The following AP3M1 variants were observed in gnomAD, a reference collection of about 807,000 sequenced individuals.
The protein encoded by AP3M1 is AP-3 complex subunit mu-1.
Under a neutral mutation model 42.6 loss-of-function variants are expected in AP3M1, and 29 were observed. The observed-to-expected ratio is 0.68, with a 90% CI of 0.51 to 0.93. AP3M1 has a LOEUF of 0.93. Ranked by LOEUF, AP3M1 falls within the 40% of genes least tolerant of loss-of-function variation. AP3M1 has a pLI of 0.00. For synonymous variants in AP3M1, 178 were observed against 175.3 expected (o/e 1.02, Z -0.12); for missense variants, 416 against 510.2 (o/e 0.82, Z 1.78).
At position 74,134,064 on chromosome 10, in the gene AP3M1, A is replaced by T. The variant is rs1217303026; in HGVS notation, c.546T>A (p.Asp182Glu). Residue 182 changes from aspartate to glutamate, a missense_variant, in exon 4 of 9, where the codon GAT (aspartate) becomes GAA (glutamate). Coordinates refer to ENST00000355264, the MANE Select transcript of AP3M1 (RefSeq NM_012095.6). ...VKYTNNEAYF[D>E]VVEEIDAIID... ...TAATTGCGTCTATTTCTTCAACAAC[A>T]TCAAAATAGGCTTCATTGTTTGTGT... is the stretch of plus-strand genomic sequence containing the variant. 1 of 1,614,056 alleles carries T rather than the reference A, an allele frequency of 6.2e-7. No individual in the cohort carries two copies. Among genetic ancestry groups the T allele is most frequent in the Non-Finnish European group, 8.5e-7 (1 of 1,180,028 alleles).
Position 74,134,060 on chromosome 10 carries a change from C to A in AP3M1, c.550G>T (p.Val184Phe). The change falls in exon 4 of 9, where the codon GTT (valine) becomes TTT (phenylalanine). Residue 184 changes from valine (V) to phenylalanine (F), a missense_variant. By Grantham distance (50) the Val-to-Phe change is conservative (BLOSUM62 -1). Coordinates refer to ENST00000355264, the MANE Select transcript of AP3M1 (RefSeq NM_012095.6). ...YTNNEAYFDV[V>F]EEIDAIIDKS... ...TCTATAATTGCGTCTATTTCTTCAA[C>A]AACATCAAAATAGGCTTCATTGTTT... 1 of 1,614,162 alleles carries A rather than the reference C, an allele frequency of 6.2e-7. No homozygotes were observed. The highest frequency in any genetic ancestry group is 8.5e-7 in the Non-Finnish European group (1 of 1,180,014).
At position 74,120,310 on chromosome 10, in the gene AP3M1, A is replaced by C. The variant is rs1840396721; in HGVS notation, c.*3500T>G. 1 of 152,250 alleles carries C rather than the reference A, an allele frequency of 6.6e-6. No homozygotes were observed. Among genetic ancestry groups the C allele is most frequent in the African/African-American group, 2.4e-5 (1 of 41,466 alleles). 9.4% of individuals were successfully genotyped at this position (152,250 alleles called of 1,614,324 possible). ...AATGTTGCACTGGAAGAAGAAATCA[A>C]CAGTGGTATATTTACTTAACAAGGA... On this transcript the variant is annotated 3_prime_UTR_variant, in exon 9 of 9. Transcript: ENST00000355264.
At chr10:74,148,091 A>C (rs1418963391) in intron 1 of AP3M1, among the ~76,000 whole-genome samples, 1 of 152,208 alleles carries the variant, frequency 6.6e-6, no homozygotes, top group East Asian at 1.9e-4. Flanking sequence ...AGTGTAAAAA[A>C]ATAGAGATAT....
In AP3M1 at chr10:74,128,624, C is replaced by T. The variant is rs1205710115; in HGVS notation, c.803+484G>A. The stretch of plus-strand genomic sequence containing the variant: ...AATTGGGGAATGTCCTCACGAACTA[C>T]AGGTAGGTCTGTCTCCTTGTTGGCC... On this transcript the variant is annotated intron_variant, in intron 6 of 8. Coordinates refer to ENST00000355264, the MANE Select transcript of AP3M1 (RefSeq NM_012095.6). 2.0e-5 allele frequency among the ~76,000 whole-genome samples: 3 copies of T among 152,078 alleles called. No individual in the cohort carries two copies. In the South Asian group the frequency reaches 6.2e-4, roughly 32 times the overall value.
rs995854320 is a variant in AP3M1, at chr10:74,123,666, T to C, written c.*144A>G. ...AAGCTCCTTAAGAATCCTACATTGATAACTAAGTAACTTTGTTAGCGGTGT... is the reference window on the plus strand; with the variant it reads ...AAGCTCCTTAAGAATCCTACATTGACAACTAAGTAACTTTGTTAGCGGTGT... On this transcript the variant is annotated 3_prime_UTR_variant, in exon 9 of 9. Transcript: ENST00000355264. The C allele has an allele frequency of 3.0e-6, 2 of 667,862 alleles. No individual in the cohort carries two copies. Among genetic ancestry groups the C allele is most frequent in the Admixed American group, 2.7e-5 (1 of 37,492 alleles). 41.4% of individuals were successfully genotyped at this position (667,862 alleles called of 1,614,324 possible).
At chr10:74,131,636 C>A (rs1840783422) in intron 4 of AP3M1, among the ~76,000 whole-genome samples, 1 of 152,090 alleles carries the variant, frequency 6.6e-6, no homozygotes. Flanking sequence ...CAGCATTGAA[C>A]TCCTGGGCTC....
chr10:74,142,584 A>T (rs1331917968), intron 1 of AP3M1, among the ~76,000 whole-genome samples: 3 of 152,200 alleles, frequency 2.0e-5, no homozygotes, highest in African/African-American at 7.2e-5. Context: ...AGAACCAAAA[A>T]ATTTCTTTGT....
At chr10:74,148,881 T>G (rs934510282) in intron 1 of AP3M1, among the ~76,000 whole-genome samples, 24 of 151,892 alleles carry the variant, frequency 1.6e-4, no homozygotes, top group African/African-American at 4.3e-4. Flanking sequence ...TGGTTTGTTT[T>G]TTTTTTTTTT....
intron 4 of AP3M1, among the ~76,000 whole-genome samples, chr10:74,131,903 T>TA (rs1564547024): frequency 2.6e-5 from 4 of 152,196 alleles, no homozygotes; most frequent in African/African-American, 9.7e-5. Context: ...GAAGAGAAGA[T>TA]ATTGACTATA....
At chr10:74,124,074 G>C (rs1295025862) in intron 8 of AP3M1, among the ~76,000 whole-genome samples, 164 bp from the exon 9 acceptor site, 1 of 152,172 alleles carries the variant, frequency 6.6e-6, no homozygotes, top group Non-Finnish European at 1.5e-5. Flanking sequence ...TGATGGTATG[G>C]TTTTGGTTAA....
chr10:74,134,206 C>G, intron 3 of AP3M1, 42 bp from the exon 4 acceptor site: 1 of 1,560,670 alleles, frequency 6.4e-7, no homozygotes. Flanking sequence ...ATGTATAAAA[C>G]AGTCATGAGA....
chr10:74,145,233 C>G (rs1460559671), intron 1 of AP3M1, among the ~76,000 whole-genome samples: 2 of 152,178 alleles, frequency 1.3e-5, no homozygotes, highest in Non-Finnish European at 2.9e-5. Context: ...AGGGCCAGAT[C>G]TCTACTCATC....
chr10:74,134,381 G>T (rs1840880547), intron 3 of AP3M1, among the ~76,000 whole-genome samples: 1 of 152,172 alleles, frequency 6.6e-6, no homozygotes, highest in African/African-American at 2.4e-5. Flanking sequence ...GCCAAACCAG[G>T]TTAAATTTAT....
chr10:74,142,882 A>G (rs537781186), intron 1 of AP3M1, among the ~76,000 whole-genome samples: 1 of 152,220 alleles, frequency 6.6e-6, no homozygotes, highest in African/African-American at 2.4e-5. Flanking sequence ...ATCTGCAACT[A>G]AATTTTTATT....
chr10:74,123,109 C>T lies in AP3M1; in HGVS notation c.*701G>A, dbSNP rs562052442. ...TTTTTTTACTGTGCTAACAGCTGAA[C>T]CAGTGGCACAAAATTGAGATGGTAT... On this transcript the variant is annotated 3_prime_UTR_variant, in exon 9 of 9. Transcript: ENST00000355264. 6.5e-6 allele frequency: 1 copy of T among 152,712 alleles called. No individual in the cohort carries two copies. The highest frequency in any genetic ancestry group is 2.1e-4 in the South Asian group (1 of 4,828). 9.5% of individuals were successfully genotyped at this position (152,712 alleles called of 1,614,324 possible). A position where few individuals can be genotyped will look rare whatever the true frequency, so the allele number is the denominator to read the frequency against.
At chr10:74,141,714 CTTTTT>C (rs920907444) in intron 1 of AP3M1, among the ~76,000 whole-genome samples, 1 of 133,430 alleles carries the variant, frequency 7.5e-6, no homozygotes, top group Admixed American at 7.7e-5. Flanking sequence ...TTTTATTTTC[CTTTTT>C]TTTTTTTTTT....
At chr10:74,143,563 ACTAT>A (rs1161851116) in intron 1 of AP3M1, among the ~76,000 whole-genome samples, 1 of 152,238 alleles carries the variant, frequency 6.6e-6, no homozygotes, top group Non-Finnish European at 1.5e-5. Flanking sequence ...ATGAATTAAT[ACTAT>A]CTAAAATGTA....
chr10:74,134,000 C>T, intron 4 of AP3M1, 27 bp downstream of exon 4: 3 of 1,610,468 alleles, frequency 1.9e-6, no homozygotes, highest in Non-Finnish European at 2.5e-6. Context: ...TGTTTTTCCC[C>T]AAATAAGATG....
chr10:74,129,138 C>G lies in AP3M1; in HGVS notation c.773G>C (p.Arg258Pro). Residue 258 changes from arginine to proline, a missense_variant, in exon 6 of 9, where the codon CGA becomes CCA. Coordinates refer to ENST00000355264, the MANE Select transcript of AP3M1 (RefSeq NM_012095.6). ...LSFIPPDGNF[R>P]LISYRVSSQN... ...TGAGCTGACACGGTATGATATGAGT[C>G]GGAAATTTCCATCTGGAGGAATAAA... The G allele has an allele frequency of 2.5e-6, 4 of 1,614,056 alleles. No individual in the cohort carries two copies. The highest frequency in any genetic ancestry group is 3.4e-6 in the Non-Finnish European group (4 of 1,180,002).
Sources: gnomAD v4.1 joint callset for allele counts (sites outside exome capture counted in the v4.1 genomes callset) on GRCh38, gnomAD v4.1.1 for gene constraint, MANE v1.5 for transcripts, NCBI Gene and HGNC (gene_info 2026-07-23, HGNC 2026-07-21) for gene names.